Variants in DGKI observed in about 807,000 individuals in gnomAD.
DGKI encodes the protein DAG kinase iota.
A neutral mutation model predicts 147.5 loss-of-function variants in DGKI; 55 were observed. The ratio of observed to expected loss-of-function variants is 0.37; its 90% CI spans 0.30 to 0.47. DGKI has a LOEUF of 0.47. Among genes scored for constraint, DGKI ranks in the 20% least tolerant of loss-of-function variants. The pLI is 1.00. For missense variants in DGKI, 1,007 were observed against 1,323.8 expected (o/e 0.76, Z 3.71); for synonymous variants, 469 against 477.1 (o/e 0.98, Z 0.22).
At chr7:137,612,310 C>A (rs1401493194) in intron 8 of DGKI, among the ~76,000 whole-genome samples, 1 of 145,282 alleles carries the variant, frequency 6.9e-6, no homozygotes, top group East Asian at 2.1e-4. Flanking sequence ...AGGCCTTCTT[C>A]ACTTCACAGA....
chr7:137,634,469 T>C (rs949518102), intron 6 of DGKI, among the ~76,000 whole-genome samples: 1 of 152,242 alleles, frequency 6.6e-6, no homozygotes, highest in Non-Finnish European at 1.5e-5. Flanking sequence ...GGCAGGTTAC[T>C]GTACTCTGGT....
chr7:137,409,046 T>C (rs555122735), intron 29 of DGKI, among the ~76,000 whole-genome samples: 3 of 152,248 alleles, frequency 2.0e-5, no homozygotes, highest in Non-Finnish European at 4.4e-5. Flanking sequence ...TTCCATACCA[T>C]TGTAGGATGA....
intron 1 of DGKI, among the ~76,000 whole-genome samples, chr7:137,723,938 G>A (rs902592853): frequency 1.3e-5 from 2 of 151,902 alleles, no homozygotes; most frequent in Non-Finnish European, 2.9e-5. Flanking sequence ...TCGATCTCCT[G>A]ACCTTGTGAT....
intron 28 of DGKI, among the ~76,000 whole-genome samples, chr7:137,429,764 A>T (rs2128910604): frequency 7.4e-6 from 1 of 134,786 alleles, no homozygotes; most frequent in South Asian, 2.7e-4. Flanking sequence ...GACACTTCTC[A>T]AAAGAAGACA....
chr7:137,541,122 A>G (rs963268481), intron 20 of DGKI, among the ~76,000 whole-genome samples: 1 of 152,220 alleles, frequency 6.6e-6, no homozygotes, highest in Non-Finnish European at 1.5e-5. Flanking sequence ...GAATAATGCA[A>G]CCAGATTTTA....
chr7:137,602,232 T>C (rs1820015640), intron 10 of DGKI, among the ~76,000 whole-genome samples: 1 of 152,226 alleles, frequency 6.6e-6, no homozygotes, highest in Admixed American at 6.5e-5. Context: ...ACCTGTGCTA[T>C]AGTAGAGTGC....
chr7:137,764,676 T>C (rs1470964124), intron 1 of DGKI, among the ~76,000 whole-genome samples: 5 of 152,182 alleles, frequency 3.3e-5, no homozygotes, highest in Non-Finnish European at 7.4e-5. Context: ...ACAGCCCTAG[T>C]TGGTACCTTT....
intron 1 of DGKI, among the ~76,000 whole-genome samples, chr7:137,752,089 AATT>A (rs1795506362): frequency 2.0e-5 from 3 of 152,156 alleles, no homozygotes; most frequent in South Asian, 2.1e-4. Context: ...TCAGACTAAA[AATT>A]TGCCTATTTC....
Position 137,846,600 on chromosome 7 carries a change from T to C in DGKI, c.263A>G (p.Asp88Gly). Residue 88 changes from aspartate to glycine, a missense_variant, in exon 1 of 33, where the codon GAC becomes GGC. Physicochemically the swap from Asp to Gly is moderately conservative, Grantham distance 94 (BLOSUM62 -1). Around this residue, in one of 5 missense-constraint regions of DGKI, gnomAD observed 137 missense variants for 114.4 expected, o/e 1.20. Coordinates refer to ENST00000614521, the MANE Select transcript of DGKI (RefSeq NM_001321708.2). This position sits in a 1 kb window ranked among gnomAD's most constrained non-coding sequence, Gnocchi z 4.0. ...SCCLGAEGGA[D>G]PRGAGSAAAA... ...CGCGGCTGACCCTGCGCCCCGCGGG[T>C]CCGCGCCGCCCTCGGCGCCCAGGCA... 8.9e-7 allele frequency: 1 copy of C among 1,129,158 alleles called. No homozygotes were observed. Among genetic ancestry groups the C allele is most frequent in the Non-Finnish European group, 1.1e-6 (1 of 927,256 alleles). 69.9% of individuals were successfully genotyped at this position (1,129,158 alleles called of 1,614,324 possible).
chr7:137,699,534 C>G (rs977569903), intron 1 of DGKI, among the ~76,000 whole-genome samples: 5 of 152,116 alleles, frequency 3.3e-5, no homozygotes, highest in African/African-American at 1.2e-4. Context: ...AATTTTATAT[C>G]CAGGTCAATG....
intron 29 of DGKI, among the ~76,000 whole-genome samples, chr7:137,408,997 G>A (rs11771895): frequency 2.0e-5 from 3 of 152,056 alleles, no homozygotes; most frequent in African/African-American, 7.2e-5. Flanking sequence ...TAAGGTGAAA[G>A]AGCATAAATG....
At chr7:137,528,209 T>C (rs834088) in intron 20 of DGKI, among the ~76,000 whole-genome samples, 33,036 of 152,170 alleles carry the variant, frequency 0.22, 6,207 homozygotes, top group African/African-American at 0.5. Flanking sequence ...CCATTTCTGT[T>C]CTTTGACCTC....
At chr7:137,728,142 T>C (rs1040108405) in intron 1 of DGKI, among the ~76,000 whole-genome samples, 12 of 152,176 alleles carry the variant, frequency 7.9e-5, no homozygotes, top group African/African-American at 2.2e-4. Flanking sequence ...TGTTTTTAAT[T>C]TGGTGTTTCT....
Position 137,770,534 on chromosome 7 carries a change from G to GTTTTTTTTTTTTTTTTTTTTTT in DGKI, c.401+75927_401+75928insAAAAAAAAAAAAAAAAAAAAAA, listed in dbSNP as rs1396125188. Among the ~76,000 whole-genome samples the GTTTTTTTTTTTTTTTTTTTTTT allele has an allele frequency of 8.9e-5, 9 of 101,432 alleles. 2 individuals are homozygous for GTTTTTTTTTTTTTTTTTTTTTT. The highest frequency in any genetic ancestry group is 6.5e-4 in the African/African-American group (9 of 13,874). 66.5% of individuals were successfully genotyped at this position (101,432 alleles called of 152,430 possible). On this transcript the variant is annotated intron_variant, in intron 1 of 32. Transcript: ENST00000614521. ...AAAATCAATAAATTATACTCAGTGGGTTTTTTTTTTTTTTTTTGAGACGGA... is the reference window on the plus strand; with the variant it reads ...AAAATCAATAAATTATACTCAGTGGGTTTTTTTTTTTTTTTTTTTTTTTTTTTTTTTTTTTTTTTGAGACGGA...
intron 29 of DGKI, 127 bp downstream of exon 29, chr7:137,412,043 T>C (rs974745846): frequency 6.7e-6 from 6 of 896,592 alleles, no homozygotes; most frequent in Admixed American, 6.0e-5. Flanking sequence ...ACATCCTGCC[T>C]CTTCTACCCA....
chr7:137,475,340 G>A (rs1815133226), intron 23 of DGKI, among the ~76,000 whole-genome samples: 1 of 152,152 alleles, frequency 6.6e-6, no homozygotes, highest in South Asian at 2.1e-4. Flanking sequence ...GCAATCCAGT[G>A]CCTCTGTTCA....
At position 137,585,970 on chromosome 7, in the gene DGKI, C is replaced by T. The variant is rs73453582; in HGVS notation, c.1426-624G>A. ...GGGAGAAGTTAACACTGATGATAAC[C>T]TTAGTTGCCCCATGTAAATACGTTT... is the stretch of plus-strand genomic sequence containing the variant. On this transcript the variant is annotated intron_variant, in intron 13 of 32. Transcript: ENST00000614521. Among the ~76,000 whole-genome samples the T allele has an allele frequency of 6.3e-3, 957 of 152,284 alleles. 7 individuals are homozygous for T. The highest frequency in any genetic ancestry group is 0.022 in the African/African-American group (905 of 41,560).
chr7:137,443,997 T>A, intron 28 of DGKI, 80 bp downstream of exon 28: 1 of 1,181,584 alleles, frequency 8.5e-7, no homozygotes, highest in Non-Finnish European at 1.2e-6. Flanking sequence ...TAAACAATTA[T>A]TTGCTCTGAC....
intron 1 of DGKI, among the ~76,000 whole-genome samples, chr7:137,773,327 A>C (rs1796266954): frequency 6.6e-6 from 1 of 152,224 alleles, no homozygotes; most frequent in African/African-American, 2.4e-5. Flanking sequence ...TCACACCAGT[A>C]AAGGGGAATA....
Sources: gnomAD v4.1 joint callset for allele counts (sites outside exome capture counted in the v4.1 genomes callset) on GRCh38, gnomAD v4.1.1 for gene constraint, gnomAD v4.1.1 regional missense constraint, Gnocchi (gnomAD v3.1) non-coding constraint, MANE v1.5 for transcripts, NCBI Gene and HGNC (gene_info 2026-07-23, HGNC 2026-07-21) for gene names.